Variants in NRG3 observed in about 807,000 individuals in gnomAD.
NRG3 encodes the protein neuregulin 3.
A neutral mutation model predicts 66.9 loss-of-function variants in NRG3; 31 were observed. The observed-to-expected ratio is 0.46, with a 90% CI of 0.35 to 0.63. The LOEUF (loss-of-function observed/expected upper bound fraction) is 0.63, where lower values mean the gene tolerates loss of function less well. NRG3 is among the 20% of genes least tolerant of loss of function. NRG3 has a pLI of 0.00. For missense variants in NRG3, 910 were observed against 878.9 expected (o/e 1.04, Z -0.45); for synonymous variants, 393 against 359.4 (o/e 1.09, Z -1.06).
chr10:82,048,693 G>A (rs2063437091), intron 1 of NRG3, among the ~76,000 whole-genome samples: 1 of 151,912 alleles, frequency 6.6e-6, no homozygotes, highest in Admixed American at 6.6e-5. Flanking sequence ...AAAATAATTA[G>A]AAAAGCAAGA....
intron 1 of NRG3, among the ~76,000 whole-genome samples, chr10:82,056,246 T>C (rs537736641): frequency 1.3e-5 from 2 of 152,262 alleles, no homozygotes; most frequent in East Asian, 3.9e-4. Context: ...TAAAACAGCA[T>C]GCTGGAGATT....
At chr10:82,892,123 AC>A (rs1305849059) in intron 4 of NRG3, among the ~76,000 whole-genome samples, 2 of 152,168 alleles carry the variant, frequency 1.3e-5, no homozygotes, top group Non-Finnish European at 2.9e-5. Flanking sequence ...GATATATTAT[AC>A]CTTTTAAATA....
chr10:81,983,052 C>T (rs1306997858), intron 1 of NRG3, among the ~76,000 whole-genome samples: 2 of 152,168 alleles, frequency 1.3e-5, no homozygotes, highest in Non-Finnish European at 2.9e-5. Context: ...GCTATGTAGA[C>T]TGTGTCCATG....
chr10:82,821,503 G>GAAAAAAAAA (rs10550982), intron 3 of NRG3, among the ~76,000 whole-genome samples: 1 of 134,610 alleles, frequency 7.4e-6, no homozygotes, highest in Non-Finnish European at 1.6e-5. Context: ...ACACTTAACT[G>GAAAAAAAAA]AAAAAAAAAA....
chr10:81,985,556 A>G (rs78640387), intron 1 of NRG3, among the ~76,000 whole-genome samples: 1 of 152,212 alleles, frequency 6.6e-6, no homozygotes, highest in Non-Finnish European at 1.5e-5. Context: ...AAGAACTCCT[A>G]ATTCCACGAG....
chr10:82,175,224 G>A (rs1263742985), intron 1 of NRG3, among the ~76,000 whole-genome samples: 1 of 152,110 alleles, frequency 6.6e-6, no homozygotes, highest in Non-Finnish European at 1.5e-5. Context: ...GCTTCAAGCT[G>A]CTTCTTTGCT....
chr10:82,162,109 A>G (rs1040239953), intron 1 of NRG3, among the ~76,000 whole-genome samples: 1 of 152,126 alleles, frequency 6.6e-6, no homozygotes, highest in African/African-American at 2.4e-5. Context: ...TGAAGAGAGA[A>G]TAGGACAATA....
At chr10:81,904,718 C>T (rs1432205499) in intron 1 of NRG3, among the ~76,000 whole-genome samples, 1 of 152,082 alleles carries the variant, frequency 6.6e-6, no homozygotes, top group African/African-American at 2.4e-5. Flanking sequence ...GTTTCATGTT[C>T]CCTGCAGCAT....
At chr10:82,139,062 G>C (rs2069581273) in intron 1 of NRG3, among the ~76,000 whole-genome samples, 1 of 152,070 alleles carries the variant, frequency 6.6e-6, no homozygotes, top group Admixed American at 6.6e-5. Context: ...ACCATCACAT[G>C]AAGTATGTTT....
At chr10:82,435,126 G>T (rs1045936595) in intron 2 of NRG3, among the ~76,000 whole-genome samples, 25 of 152,082 alleles carry the variant, frequency 1.6e-4, no homozygotes, top group African/African-American at 5.8e-4. Context: ...TTCAGAGCTT[G>T]TTATTGGTTT....
rs549228347 is a variant in NRG3, at chr10:82,026,290, TAAGA to T, written c.823+150131_823+150134del. Among the ~76,000 whole-genome samples the T allele has an allele frequency of 8.6e-3, 1,315 of 152,112 alleles. 8 individuals carry two copies. Among genetic ancestry groups the T allele is most frequent in the Non-Finnish European group, 0.013 (875 of 67,962 alleles). Reference sequence around the variant, plus strand: ...TTGAGCTGTCATTACAGAACCATTATAAGAAAGGGCCATATAAAATATAAAATAT... The same window carrying T: ...TTGAGCTGTCATTACAGAACCATTATAAGGGCCATATAAAATATAAAATAT... On this transcript the variant is annotated intron_variant, in intron 1 of 8. Coordinates refer to ENST00000372141, the MANE Select transcript of NRG3 (RefSeq NM_001010848.4).
intron 4 of NRG3, among the ~76,000 whole-genome samples, chr10:82,869,194 G>C (rs1841046974): frequency 6.6e-6 from 1 of 152,152 alleles, no homozygotes; most frequent in South Asian, 2.1e-4. Context: ...GTGTGTGTGT[G>C]TCAATTTCTT....
rs566676148 is a variant in NRG3, at chr10:82,609,706, G to T, written c.954-128871G>T. On this transcript the variant is annotated intron_variant, in intron 2 of 8. Transcript: ENST00000372141. ...TGATTGTACCAAACCTTATTTCAAT[G>T]AAAAGCCAATGTAATGTAACTACAT... Among the ~76,000 whole-genome samples the T allele has an allele frequency of 5.3e-5, 8 of 151,978 alleles. No individual in the cohort carries two copies. In the South Asian group the frequency reaches 1.7e-3, roughly 31 times the overall value.
intron 1 of NRG3, among the ~76,000 whole-genome samples, chr10:82,159,117 A>T (rs368710640): frequency 2.0e-5 from 3 of 151,910 alleles, no homozygotes; most frequent in East Asian, 3.9e-4. Context: ...TTTAATCTAA[A>T]CTTCCATGAA....
chr10:82,169,943 T>G (rs1162463899), intron 1 of NRG3, among the ~76,000 whole-genome samples: 1 of 151,848 alleles, frequency 6.6e-6, no homozygotes, highest in Non-Finnish European at 1.5e-5. Flanking sequence ...TACTTGTGTG[T>G]AAACAAATTA....
At chr10:82,868,803 CT>C (rs1841011104) in intron 4 of NRG3, among the ~76,000 whole-genome samples, 1 of 152,152 alleles carries the variant, frequency 6.6e-6, no homozygotes. Flanking sequence ...AGAGATTCTC[CT>C]GCCTCAGCCT....
intron 4 of NRG3, among the ~76,000 whole-genome samples, chr10:82,883,375 T>C (rs1170266772): frequency 2.0e-5 from 3 of 152,164 alleles, no homozygotes; most frequent in African/African-American, 4.8e-5. Flanking sequence ...AGTCTGTATA[T>C]AGAGTTGAAA....
chr10:82,913,601 C>T (rs1045173701), intron 4 of NRG3, among the ~76,000 whole-genome samples: 6 of 152,106 alleles, frequency 3.9e-5, no homozygotes, highest in Non-Finnish European at 7.4e-5. Flanking sequence ...TTTTGTTTTT[C>T]CATTAACATT....
chr10:82,265,325 A>G (rs1477721058), intron 1 of NRG3, among the ~76,000 whole-genome samples: 1 of 152,192 alleles, frequency 6.6e-6, no homozygotes, highest in Non-Finnish European at 1.5e-5. Context: ...GGGATGTTCA[A>G]CTGGATTTAT....
Sources: gnomAD v4.1 joint callset for allele counts (sites outside exome capture counted in the v4.1 genomes callset) on GRCh38, gnomAD v4.1.1 for gene constraint, MANE v1.5 for transcripts, NCBI Gene and HGNC (gene_info 2026-07-23, HGNC 2026-07-21) for gene names.